Variants in MDGA2 observed in about 807,000 individuals in gnomAD.
MDGA2 encodes MAM domain containing glycosylphosphatidylinositol anchor 2, also known as MAM domain-containing glycosylphosphatidylinositol anchor protein 2.
Under a neutral mutation model 117.8 loss-of-function variants are expected in MDGA2, and 40 were observed. The ratio of observed to expected loss-of-function variants is 0.34; its 90% CI spans 0.26 to 0.44. The LOEUF (loss-of-function observed/expected upper bound fraction) is 0.44. Ranked by LOEUF, MDGA2 falls within the 20% of genes least tolerant of loss-of-function variation. The pLI, the probability that MDGA2 is intolerant of heterozygous loss-of-function variation, is 1.00. For missense variants in MDGA2, 1,123 were observed against 1,250.6 expected, an observed-to-expected ratio of 0.90 and a Z score of 1.54; for synonymous variants, 452 against 439.0, an observed-to-expected ratio of 1.03 and a Z score of -0.37.
At chr14:47,125,312 T>C (rs1287119827) in intron 5 of MDGA2, among the ~76,000 whole-genome samples, 1 of 152,152 alleles carries the variant, frequency 6.6e-6, no homozygotes, top group Non-Finnish European at 1.5e-5. Flanking sequence ...TCAAAATTTA[T>C]ATAACTAAGA....
Position 47,127,099 on chromosome 14 carries a change from A to G in MDGA2, c.925+4615T>C, listed in dbSNP as rs181650782. ...TATTGGTTTACAGAGAAGATTAACGAAACATATTACAATATGTATAATTTT... is the reference window on the plus strand; with the variant it reads ...TATTGGTTTACAGAGAAGATTAACGGAACATATTACAATATGTATAATTTT... On this transcript the variant is annotated intron_variant, in intron 5 of 16. Transcript: ENST00000399232. Among the ~76,000 whole-genome samples, 1,129 of 152,290 alleles carry G rather than the reference A, an allele frequency of 7.4e-3. 4 individuals carry two copies. Among genetic ancestry groups the G allele is most frequent in the Middle Eastern group, 0.024 (7 of 294 alleles).
intron 1 of MDGA2, among the ~76,000 whole-genome samples, chr14:47,560,555 T>C (rs1421894674): frequency 3.3e-5 from 5 of 152,216 alleles, no homozygotes; most frequent in Non-Finnish European, 7.3e-5. Flanking sequence ...TGTGGTTGTT[T>C]GTTTTTTGCT....
At chr14:47,546,687 G>C (rs1401149772) in intron 1 of MDGA2, among the ~76,000 whole-genome samples, 3 of 152,184 alleles carry the variant, frequency 2.0e-5, no homozygotes, top group African/African-American at 7.2e-5. Flanking sequence ...CTTTGGTTTT[G>C]ACCAGGGATC....
At chr14:47,020,897 T>A (rs1023991269) in intron 8 of MDGA2, among the ~76,000 whole-genome samples, 2 of 151,566 alleles carry the variant, frequency 1.3e-5, no homozygotes, top group African/African-American at 4.9e-5. Context: ...AAAAAAAAAA[T>A]TAGAAGCTTT....
At chr14:47,370,939 C>T (rs1435001829) in intron 1 of MDGA2, among the ~76,000 whole-genome samples, 1 of 151,700 alleles carries the variant, frequency 6.6e-6, no homozygotes, top group African/African-American at 2.4e-5. Context: ...AACCTTATTA[C>T]AAATTCATCA....
intron 2 of MDGA2, among the ~76,000 whole-genome samples, chr14:47,259,931 C>A (rs944093801): frequency 2.0e-5 from 3 of 152,100 alleles, no homozygotes; most frequent in African/African-American, 7.2e-5. Flanking sequence ...GACGATCTAA[C>A]ATCTAGGATA....
intron 8 of MDGA2, among the ~76,000 whole-genome samples, chr14:47,029,222 A>T (rs1374337561): frequency 6.6e-6 from 1 of 152,168 alleles, no homozygotes; most frequent in Admixed American, 6.5e-5. Context: ...TACTCTCTTC[A>T]TTAGATTTCT....
At chr14:46,954,671 C>T (rs560362828) in intron 9 of MDGA2, among the ~76,000 whole-genome samples, 71 of 152,112 alleles carry the variant, frequency 4.7e-4, no homozygotes, top group African/African-American at 1.7e-3. Context: ...ATTTGAGGCC[C>T]ACCCAGATAA....
At chr14:47,075,168 C>CT (rs757533790) in intron 6 of MDGA2, among the ~76,000 whole-genome samples, 4 of 152,190 alleles carry the variant, frequency 2.6e-5, no homozygotes, top group Admixed American at 6.5e-5. Context: ...CTAATGTCAT[C>CT]TTTTTTGTAA....
chr14:47,665,809 C>A (rs1305564901), intron 1 of MDGA2, among the ~76,000 whole-genome samples: 2 of 8,242 alleles, frequency 2.4e-4, no homozygotes, highest in African/African-American at 9.0e-4. Context: ...CTCCCTCGCC[C>A]CCCCTCCCCC....
intron 3 of MDGA2, among the ~76,000 whole-genome samples, chr14:47,179,231 G>C (rs751178546): frequency 6.6e-6 from 1 of 151,830 alleles, no homozygotes. Flanking sequence ...ATGGGGAGCC[G>C]AATCAACAGC....
intron 3 of MDGA2, among the ~76,000 whole-genome samples, chr14:47,178,008 A>T (rs893672052): frequency 1.1e-4 from 17 of 152,148 alleles, no homozygotes; most frequent in Admixed American, 6.5e-5. Context: ...TTCCATGGCT[A>T]ATAGTGTCAC....
rs1468341296 is a variant in MDGA2 at position 47,096,952 on chromosome 14, A to G, written c.1097T>C (p.Ile366Thr). 1.2e-6 allele frequency: 2 copies of G among 1,613,358 alleles called. No individual in the cohort carries two copies. Among genetic ancestry groups the G allele is most frequent in the East Asian group, 2.2e-5 (1 of 44,840 alleles). The change falls in exon 6 of 17, where the codon ATA becomes ACA. Residue 366 changes from isoleucine to threonine, a missense_variant. Coordinates refer to ENST00000399232, the MANE Select transcript of MDGA2 (RefSeq NM_001113498.3). The part of the protein sequence containing the change: ...KTVLNGGTLT[I>T]PAITSDDAGT... Reference sequence around the variant, plus strand: ...AGCATCATCTGAGGTGATGGCAGGTATGGTCAAAGTTCCTCCATTCAAAAC... The same window carrying G: ...AGCATCATCTGAGGTGATGGCAGGTGTGGTCAAAGTTCCTCCATTCAAAAC...
intron 6 of MDGA2, among the ~76,000 whole-genome samples, chr14:47,094,626 T>C (rs925847348): frequency 3.9e-5 from 6 of 152,202 alleles, no homozygotes; most frequent in Middle Eastern, 6.8e-3. Context: ...AGATTCTGCA[T>C]TGTATTCATG....
At chr14:47,344,834 A>C (rs1203342226) in intron 1 of MDGA2, among the ~76,000 whole-genome samples, 2 of 151,832 alleles carry the variant, frequency 1.3e-5, no homozygotes, top group Non-Finnish European at 1.5e-5. Context: ...ATTGCAACTT[A>C]ATATGTGACT....
At chr14:47,576,457 G>A (rs1377879839) in intron 1 of MDGA2, among the ~76,000 whole-genome samples, 1 of 151,986 alleles carries the variant, frequency 6.6e-6, no homozygotes, top group African/African-American at 2.4e-5. Context: ...ATGCATGATG[G>A]TGCAAATGTC....
At chr14:47,066,258 T>C (rs1277631209) in intron 6 of MDGA2, among the ~76,000 whole-genome samples, 2 of 152,202 alleles carry the variant, frequency 1.3e-5, no homozygotes, top group African/African-American at 2.4e-5. Context: ...ATTGTTAAAG[T>C]TGGTACTTAA....
At chr14:46,867,476 G>T (rs1881820652) in intron 14 of MDGA2, among the ~76,000 whole-genome samples, 1 of 151,948 alleles carries the variant, frequency 6.6e-6, no homozygotes, top group African/African-American at 2.4e-5. Flanking sequence ...GCACCAGCAT[G>T]GCACATGTAT....
intron 2 of MDGA2, among the ~76,000 whole-genome samples, chr14:47,254,821 A>G (rs1308752737): frequency 1.3e-5 from 2 of 152,198 alleles, no homozygotes; most frequent in South Asian, 2.1e-4. Context: ...TTTATAAAGG[A>G]AAGAGGCTTG....
Sources: allele counts gnomAD v4.1 joint callset (sites outside exome capture counted in the v4.1 genomes callset), GRCh38; gene constraint gnomAD v4.1.1; transcripts MANE v1.5; gene names NCBI Gene and HGNC (gene_info 2026-07-23, HGNC 2026-07-21).